The following ZNF441 variants were observed in gnomAD, a reference collection of about 807,000 sequenced individuals.
The protein encoded by ZNF441 is zinc finger protein 441.
Under a neutral mutation model 64.5 loss-of-function variants are expected in ZNF441, and 25 were observed. That is an observed-to-expected ratio of 0.39 (90% CI 0.28 to 0.54). The LOEUF is 0.54. Among genes scored for constraint, ZNF441 ranks in the 20% least tolerant of loss-of-function variants. ZNF441 has a pLI of 0.70. For missense variants in ZNF441, 715 were observed against 843.3 expected (o/e 0.85, Z 1.88); for synonymous variants, 262 against 268.0 (o/e 0.98, Z 0.22).
intron 1 of ZNF441, among the ~76,000 whole-genome samples, chr19:11,775,450 C>T (rs1328503719): frequency 6.6e-6 from 1 of 151,954 alleles, no homozygotes; most frequent in Non-Finnish European, 1.5e-5. Context: ...CTGCCTCAGC[C>T]TCCCGAGTAC....
At position 11,781,890 on chromosome 19, in the gene ZNF441, A is replaced by G; in HGVS notation, c.2066A>G (p.His689Arg). ...CATTGTATCAGTTCCTTTCATAAACATGAAATGACTCACTAGAGAAAACCC... is the reference window on the plus strand; with the variant it reads ...CATTGTATCAGTTCCTTTCATAAACGTGAAATGACTCACTAGAGAAAACCC... ...AFHCISSFHK[H>R]EMTH Residue 689 changes from histidine (H) to arginine (R), a missense_variant, in exon 4 of 4, where the codon CAT becomes CGT. Around this residue, in one of 2 missense-constraint regions of ZNF441, gnomAD observed 316 missense variants for 429.3 expected, o/e 0.74. Coordinates refer to ENST00000357901, the MANE Select transcript of ZNF441 (RefSeq NM_152355.3). 1 of 1,590,538 alleles carries G rather than the reference A, an allele frequency of 6.3e-7. No individual in the cohort carries two copies. The highest frequency in any genetic ancestry group is 8.6e-7 in the Non-Finnish European group (1 of 1,166,594).
intron 1 of ZNF441, among the ~76,000 whole-genome samples, chr19:11,769,611 A>G (rs1328183108): frequency 6.6e-6 from 1 of 152,190 alleles, no homozygotes; most frequent in Non-Finnish European, 1.5e-5. Context: ...CATTTCTCAA[A>G]GCTATAAAGG....
In ZNF441 at chr19:11,767,209, G is replaced by T. The variant is rs754401707; in HGVS notation, c.3+13G>T. Reference sequence around the variant, plus strand: ...AAGCCGGGAAATGGTGAGTGTGTGAGGTCTGGTGTCCCGACGCGTGAGAGG... The same window carrying T: ...AAGCCGGGAAATGGTGAGTGTGTGATGTCTGGTGTCCCGACGCGTGAGAGG... On this transcript the variant is annotated intron_variant, in intron 1 of 3. Coordinates refer to ENST00000357901, the MANE Select transcript of ZNF441 (RefSeq NM_152355.3). The surrounding 1 kb of genome is among the most constrained non-coding windows in gnomAD (Gnocchi z 5.1). The T allele has an allele frequency of 1.3e-6, 2 of 1,559,456 alleles. No homozygotes were observed. The highest frequency in any genetic ancestry group is 1.4e-5 in the African/African-American group (1 of 73,226).
At position 11,780,794 on chromosome 19, in the gene ZNF441, C is replaced by T. The variant is rs140016466; in HGVS notation, c.970C>T (p.Arg324Ter). 3.7e-6 allele frequency: 6 copies of T among 1,614,030 alleles called. No individual in the cohort carries two copies. The highest frequency in any genetic ancestry group is 1.1e-5 in the South Asian group (1 of 91,066). The change falls in exon 4 of 4, where the codon CGA becomes TGA. Residue 324 changes from arginine (R) to a stop codon, truncating the protein, a stop_gained. Transcript: ENST00000357901. LOFTEE classifies it high-confidence loss of function. ...AGGCTTTCTTTCTCCCAGTTCAGTT[C>T]GAAGACATAAAAGAACTCACACTGG... ...GKGFLSPSSV[R>*]RHKRTHTGEK...
At position 11,767,078 on chromosome 19, in the gene ZNF441, C is replaced by T. The variant is rs1379763311; in HGVS notation, c.-116C>T. 13 of 1,496,630 alleles carry T rather than the reference C, an allele frequency of 8.7e-6. No individual in the cohort carries two copies. The Admixed American group carries it at 2.2e-4, about 25-fold the overall frequency. 92.7% of individuals were successfully genotyped at this position (1,496,630 alleles called of 1,614,324 possible). A position where few individuals can be genotyped will look rare whatever the true frequency, so the allele number is the denominator to read the frequency against. On this transcript the variant is annotated 5_prime_UTR_variant, in exon 1 of 4. Transcript: ENST00000357901. This position sits in a 1 kb window ranked among gnomAD's most constrained non-coding sequence, Gnocchi z 5.1. ...GTCTTCTCCACGCCCCTGCACTGGG[C>T]TCCGGGTTCTGTCACTGAGAGACGC...
At chr19:11,777,285 A>G (rs1002368869) in intron 1 of ZNF441, among the ~76,000 whole-genome samples, 4 of 151,888 alleles carry the variant, frequency 2.6e-5, no homozygotes, top group African/African-American at 4.9e-5. Context: ...CTTTTGCACA[A>G]TAGGTAGTAG....
Position 11,781,394 on chromosome 19 carries a change from A to G in ZNF441, c.1570A>G (p.Ile524Val), listed in dbSNP as rs766972462. Residue 524 changes from isoleucine (I) to valine (V), a missense_variant, in exon 4 of 4, where the codon ATT becomes GTT. Ile to Val is a conservative substitution (Grantham distance 29). Transcript: ENST00000357901. The part of the protein sequence containing the change: ...SPSSFRRHER[I>V]HTGERPYKCK... ...CAGTTCATTTCGAAGACATGAAAGA[A>G]TTCACACTGGGGAGAGACCCTATAA... 1.9e-6 allele frequency: 3 copies of G among 1,614,116 alleles called. No individual in the cohort carries two copies. Among genetic ancestry groups the G allele is most frequent in the Non-Finnish European group, 2.5e-6 (3 of 1,180,008 alleles).
At chr19:11,774,066 A>C (rs377224315) in intron 1 of ZNF441, among the ~76,000 whole-genome samples, 1 of 151,882 alleles carries the variant, frequency 6.6e-6, no homozygotes, top group Non-Finnish European at 1.5e-5. Flanking sequence ...TGCTTCTATG[A>C]GTATAGTAAA....
rs1202821418 is a variant in ZNF441 at position 11,780,086 on chromosome 19, A to G, written c.262A>G (p.Thr88Ala). The change falls in exon 4 of 4, where the codon ACT becomes GCT. Residue 88 changes from threonine to alanine, a missense_variant. Transcript: ENST00000357901. Reference protein sequence around the residue: ...NSQCGGPFTQTQDSIVNEKIP... With the variant: ...NSQCGGPFTQAQDSIVNEKIP... ...TCAATGTGGAGGACCCTTTACCCAGACTCAAGACAGTATTGTGAACGAGAA... is the reference window on the plus strand; with the variant it reads ...TCAATGTGGAGGACCCTTTACCCAGGCTCAAGACAGTATTGTGAACGAGAA... 3.1e-6 allele frequency: 5 copies of G among 1,614,156 alleles called. No individual in the cohort carries two copies. The South Asian group carries it at 4.4e-5, about 14-fold the overall frequency.
Position 11,767,239 on chromosome 19 carries a change from A to G in ZNF441, c.3+43A>G. The G allele has an allele frequency of 6.4e-7, 1 of 1,554,564 alleles. No individual in the cohort carries two copies. The highest frequency in any genetic ancestry group is 8.7e-7 in the Non-Finnish European group (1 of 1,148,730). ...GGTGTCCCGACGCGTGAGAGGAGAG[A>G]CTGGTTGGAACCGGCCGGAACCGGC... is the stretch of plus-strand genomic sequence containing the variant. On this transcript the variant is annotated intron_variant, in intron 1 of 3. Coordinates refer to ENST00000357901, the MANE Select transcript of ZNF441 (RefSeq NM_152355.3). The surrounding 1 kb of genome is among the most constrained non-coding windows in gnomAD (Gnocchi z 5.1).
At chr19:11,773,033 C>T (rs530092993) in intron 1 of ZNF441, among the ~76,000 whole-genome samples, 25 of 152,294 alleles carry the variant, frequency 1.6e-4, no homozygotes, top group African/African-American at 5.3e-4. Context: ...CCTCGTGATT[C>T]GCCCGCCTCG....
In ZNF441 at chr19:11,774,988, G is replaced by A. The variant is rs145138208; in HGVS notation, c.4-2623G>A. ...CATGTCTGCAGAGACTGTGTTCTCT[G>A]TCCAGTGTAGTCACTGAAGTCTCTG... On this transcript the variant is annotated intron_variant, in intron 1 of 3. Transcript: ENST00000357901. Among the ~76,000 whole-genome samples the A allele has an allele frequency of 3.2e-4, 48 of 152,330 alleles. No homozygotes were observed. The East Asian group carries it at 7.3e-3, about 23-fold the overall frequency.
intron 1 of ZNF441, among the ~76,000 whole-genome samples, chr19:11,771,599 C>A (rs1468537392): frequency 6.6e-6 from 1 of 152,144 alleles, no homozygotes; most frequent in Non-Finnish European, 1.5e-5. Context: ...ATAATCATAA[C>A]CTACGAAAAA....
In ZNF441 at chr19:11,780,240, A is replaced by C; in HGVS notation, c.416A>C (p.Lys139Thr). ...TGTGAGTATCAAGAATATGGAGAGA[A>C]GCCATATACACATACACAATGTGGG... ...KPCEYQEYGE[K>T]PYTHTQCGTA... Residue 139 changes from lysine (K) to threonine (T), a missense_variant, in exon 4 of 4, where the codon AAG becomes ACG. Coordinates refer to ENST00000357901, the MANE Select transcript of ZNF441 (RefSeq NM_152355.3). 6.2e-7 allele frequency: 1 copy of C among 1,614,122 alleles called. No individual in the cohort carries two copies. The highest frequency in any genetic ancestry group is 1.1e-5 in the South Asian group (1 of 91,080).
In ZNF441 at chr19:11,783,795, TAC is replaced by T. The variant is rs1975423548; in HGVS notation, c.*1891_*1892del. Reference sequence around the variant, plus strand: ...AAATGAAGAGAAATTGGTGAATATGTACAAATTTCCATTTAGATCAAAGGAAT... The same window carrying T: ...AAATGAAGAGAAATTGGTGAATATGTAAATTTCCATTTAGATCAAAGGAAT... On this transcript the variant is annotated 3_prime_UTR_variant, in exon 4 of 4. Coordinates refer to ENST00000357901, the MANE Select transcript of ZNF441 (RefSeq NM_152355.3). The T allele has an allele frequency of 6.6e-6, 1 of 152,182 alleles. No homozygotes were observed. Among genetic ancestry groups the T allele is most frequent in the Non-Finnish European group, 1.5e-5 (1 of 68,022 alleles). The allele number at this position is 152,182 out of a possible 1,614,324, so 9.4% of individuals were successfully genotyped here.
chr19:11,772,279 A>G (rs1309508533), intron 1 of ZNF441, among the ~76,000 whole-genome samples: 4 of 152,206 alleles, frequency 2.6e-5, no homozygotes, highest in Non-Finnish European at 4.4e-5. Flanking sequence ...CATTGGTGGT[A>G]GTGGTCCCCG....
chr19:11,782,168 C>A lies in ZNF441; in HGVS notation c.*262C>A, dbSNP rs1207762908. 6.4e-6 allele frequency: 2 copies of A among 310,226 alleles called. No individual in the cohort carries two copies. The highest frequency in any genetic ancestry group is 1.2e-5 in the Non-Finnish European group (2 of 168,650). The allele number at this position is 310,226 out of a possible 1,614,324, so 19.2% of individuals were successfully genotyped here. On this transcript the variant is annotated 3_prime_UTR_variant, in exon 4 of 4. Coordinates refer to ENST00000357901, the MANE Select transcript of ZNF441 (RefSeq NM_152355.3). ...TTATTATAACATACTAGCAATGGAC[C>A]TTACTACTGTAAGGAATGTAGAAAT...
rs557266589 is a variant in ZNF441 at position 11,776,878 on chromosome 19, G to A, written c.4-733G>A. On this transcript the variant is annotated intron_variant, in intron 1 of 3. Coordinates refer to ENST00000357901, the MANE Select transcript of ZNF441 (RefSeq NM_152355.3). ...GGCTGGAGTGCAATGGCGCAATCTC[G>A]GCTCACCGCAACCTTCGCCTCCCGG... Among the ~76,000 whole-genome samples, 4 of 151,582 alleles carry A rather than the reference G, an allele frequency of 2.6e-5. No homozygotes were observed. In the Middle Eastern group the frequency reaches 0.01, roughly 387 times the overall value.
chr19:11,774,394 C>T (rs1042069794), intron 1 of ZNF441, among the ~76,000 whole-genome samples: 44 of 152,088 alleles, frequency 2.9e-4, no homozygotes, highest in Admixed American at 1.4e-3. Flanking sequence ...TTCTTCTCTC[C>T]GATGAACTTC....
Sources: allele counts gnomAD v4.1 joint callset (sites outside exome capture counted in the v4.1 genomes callset), GRCh38; gene constraint gnomAD v4.1.1; regional missense constraint gnomAD v4.1.1; non-coding constraint Gnocchi (gnomAD v3.1); transcripts MANE v1.5; gene names NCBI Gene and HGNC (gene_info 2026-07-23, HGNC 2026-07-21).